ZNF475: variants seen among roughly 807,000 people sequenced by gnomAD.
ZNF475 encodes the protein zinc finger protein 475.
At chr5:122,161,706 T>C in the ZNF475 span, among the ~76,000 whole-genome samples, 1 of 152,158 alleles carries the variant, frequency 6.6e-6, no homozygotes, top group South Asian at 2.1e-4. Flanking sequence ...AGCCCATGGA[T>C]TTTTCTTGTC....
the ZNF475 span, among the ~76,000 whole-genome samples, chr5:122,168,156 C>T: frequency 4.6e-5 from 7 of 152,090 alleles, no homozygotes; most frequent in African/African-American, 9.7e-5. Flanking sequence ...GCGATTCTCC[C>T]GCCTCAGCCT....
chr5:122,181,192 C>T, the ZNF475 span, among the ~76,000 whole-genome samples: 1 of 152,118 alleles, frequency 6.6e-6, no homozygotes, highest in African/African-American at 2.4e-5. Flanking sequence ...TGCCCTTCCT[C>T]TCTAGGTAAA....
chr5:122,169,739 A>T, the ZNF475 span, among the ~76,000 whole-genome samples: 1 of 152,236 alleles, frequency 6.6e-6, no homozygotes, highest in East Asian at 1.9e-4. Flanking sequence ...AGAATGGGCA[A>T]TACAGGATCC....
At chr5:122,180,160 T>C in the ZNF475 span, 3 of 152,536 alleles carry the variant, frequency 2.0e-5, no homozygotes, top group South Asian at 6.2e-4. Context: ...AGAGCAGGGA[T>C]ACCAAACTCG....
At chr5:122,180,148 A>G in the ZNF475 span, 1 of 152,744 alleles carries the variant, frequency 6.5e-6, no homozygotes, top group Non-Finnish European at 1.5e-5. Flanking sequence ...CTTGGTGTTC[A>G]TAGAGCAGGG....
At chr5:122,175,034 G>C in the ZNF475 span, among the ~76,000 whole-genome samples, 666 of 152,120 alleles carry the variant, frequency 4.4e-3, 7 homozygotes, top group African/African-American at 0.015. Context: ...GAAAAAGAAG[G>C]ATAAATAACT....
At chr5:122,182,467 T>C in the ZNF475 span, 6 of 1,449,112 alleles carry the variant, frequency 4.1e-6, no homozygotes, top group African/African-American at 1.4e-5. Context: ...TTTTTCTTTT[T>C]GCTTTTTTCC....
chr5:122,168,522 C>G, the ZNF475 span, among the ~76,000 whole-genome samples: 1 of 152,170 alleles, frequency 6.6e-6, no homozygotes, highest in African/African-American at 2.4e-5. Flanking sequence ...CATCCCCTGG[C>G]TAACACGGTG....
At chr5:122,163,079 A>G in the ZNF475 span, 1 of 152,238 alleles carries the variant, frequency 6.6e-6, no homozygotes, top group African/African-American at 2.4e-5. Context: ...AGTTTCTACC[A>G]TAAGAGGTTG....
chr5:122,172,957 C>T, the ZNF475 span, among the ~76,000 whole-genome samples: 31 of 151,986 alleles, frequency 2.0e-4, no homozygotes, highest in Admixed American at 1.4e-3. Flanking sequence ...GGCGTGAACC[C>T]GGGAGGCAGA....
chr5:122,161,318 G>T, the ZNF475 span, among the ~76,000 whole-genome samples: 1 of 152,200 alleles, frequency 6.6e-6, no homozygotes, highest in African/African-American at 2.4e-5. Flanking sequence ...AGTCTCCCAT[G>T]CTGCTCTCAT....
chr5:122,180,153 G>C, the ZNF475 span: 1 of 152,490 alleles, frequency 6.6e-6, no homozygotes, highest in Admixed American at 6.5e-5. Flanking sequence ...TGTTCATAGA[G>C]CAGGGATACC....
the ZNF475 span, among the ~76,000 whole-genome samples, chr5:122,163,640 G>A: frequency 1.3e-5 from 2 of 152,186 alleles, no homozygotes; most frequent in South Asian, 4.1e-4. Context: ...CTCATTGATG[G>A]AATGACACAC....
At chr5:122,177,991 G>A in the ZNF475 span, among the ~76,000 whole-genome samples, 12 of 151,994 alleles carry the variant, frequency 7.9e-5, no homozygotes, top group African/African-American at 2.9e-4. Context: ...GAGAACATGG[G>A]GTGTTTGGTT....
At chr5:122,173,832 G>GACTA in the ZNF475 span, among the ~76,000 whole-genome samples, 3 of 152,192 alleles carry the variant, frequency 2.0e-5, no homozygotes, top group East Asian at 5.8e-4. Context: ...TAGATTTAGT[G>GACTA]ACTAACTTTT....
the ZNF475 span, among the ~76,000 whole-genome samples, chr5:122,163,525 T>C: frequency 2.0e-4 from 30 of 152,284 alleles, no homozygotes; most frequent in Non-Finnish European, 1.8e-4. Context: ...ACCACAGAAA[T>C]CTCAATTATT....
the ZNF475 span, chr5:122,160,371 G>A: frequency 1.1e-6 from 1 of 911,958 alleles, no homozygotes; most frequent in South Asian, 1.4e-5. Context: ...GGTGGGGAAA[G>A]TTACACATTT....
At chr5:122,173,808 T>C in the ZNF475 span, among the ~76,000 whole-genome samples, 1 of 152,244 alleles carries the variant, frequency 6.6e-6, no homozygotes. Context: ...GATAGATTTT[T>C]ATGCACACTT....
At chr5:122,167,761 A>G in the ZNF475 span, among the ~76,000 whole-genome samples, 1 of 152,246 alleles carries the variant, frequency 6.6e-6, no homozygotes, top group Non-Finnish European at 1.5e-5. Flanking sequence ...ACCAAGACAT[A>G]GAACATTTTC....
Sources: gnomAD v4.1 joint callset for allele counts (sites outside exome capture counted in the v4.1 genomes callset) on GRCh38, gnomAD v4.1.1 for gene constraint, MANE v1.5 for transcripts, NCBI Gene and HGNC (gene_info 2026-07-23, HGNC 2026-07-21) for gene names.